The following THUMPD2 variants were observed in gnomAD, a reference collection of about 807,000 sequenced individuals.
The protein encoded by THUMPD2 is THUMP domain 2 tRNA and snRNA guanosine methyltransferase.
Under a neutral mutation model 49.4 loss-of-function variants are expected in THUMPD2, and 56 were observed. The ratio of observed to expected loss-of-function variants is 1.13; its 90% confidence interval spans 0.91 to 1.41. The LOEUF is 1.41. THUMPD2 is among the 40% of genes most tolerant of loss of function. The pLI, the probability that THUMPD2 is intolerant of heterozygous loss-of-function variation, is 0.00. For synonymous variants in THUMPD2, 237 were observed against 205.2 expected, an observed-to-expected ratio of 1.15 and a Z score of -1.32; for missense variants, 709 against 594.5, an observed-to-expected ratio of 1.19 and a Z score of -2.00.
chr2:39,747,283 T>C (rs1160990540), intron 8 of THUMPD2, among the ~76,000 whole-genome samples: 2 of 152,202 alleles, frequency 1.3e-5, no homozygotes, highest in Non-Finnish European at 2.9e-5. Context: ...GTTTATTGCA[T>C]TAGATTATGA....
chr2:39,748,464 A>AG (rs1329303309), intron 8 of THUMPD2, among the ~76,000 whole-genome samples: 2 of 152,166 alleles, frequency 1.3e-5, no homozygotes, highest in African/African-American at 4.8e-5. Context: ...GCACTTTGGG[A>AG]GGCCAAGGCA....
chr2:39,775,185 G>C (rs1292793438), intron 1 of THUMPD2, among the ~76,000 whole-genome samples: 2 of 152,122 alleles, frequency 1.3e-5, no homozygotes, highest in Non-Finnish European at 2.9e-5. Flanking sequence ...AGGGTAAGGT[G>C]GGAGGATTGC....
chr2:39,763,957 A>G (rs536420757), intron 5 of THUMPD2, among the ~76,000 whole-genome samples: 78 of 152,296 alleles, frequency 5.1e-4, no homozygotes, highest in Non-Finnish European at 1.0e-3. Context: ...TCCCAACTAC[A>G]CTGAAACTAC....
intron 1 of THUMPD2, among the ~76,000 whole-genome samples, chr2:39,777,501 T>C (rs1320805712): frequency 6.6e-6 from 1 of 152,184 alleles, no homozygotes; most frequent in Non-Finnish European, 1.5e-5. Flanking sequence ...TAAAAGTCTA[T>C]CAGATAGGAG....
intron 9 of THUMPD2, among the ~76,000 whole-genome samples, chr2:39,739,782 C>A (rs1282554027): frequency 6.6e-6 from 1 of 152,134 alleles, no homozygotes; most frequent in African/African-American, 2.4e-5. Context: ...AGAGGATAAA[C>A]CCTTGCAGGA....
intron 8 of THUMPD2, among the ~76,000 whole-genome samples, chr2:39,750,125 T>C (rs12623462): frequency 0.41 from 63,028 of 152,050 alleles, 14,192 homozygotes; most frequent in East Asian, 0.75. Flanking sequence ...TGTAATGGAA[T>C]TGCTGGGTCA....
At position 39,761,356 on chromosome 2, in the gene THUMPD2, G is replaced by A; in HGVS notation, c.866C>T (p.Ala289Val). The A allele has an allele frequency of 6.2e-7, 1 of 1,613,738 alleles. No individual in the cohort carries two copies. Among genetic ancestry groups the A allele is most frequent in the Non-Finnish European group, 8.5e-7 (1 of 1,179,738 alleles). ...CTTAATGTCAGCCAGAGATGCCATT[G>A]CCCACGCTATTGTAGATCGCAGTCC... is the stretch of plus-strand genomic sequence containing the variant. ...TAGLRSTIAW[A>V]MASLADIKAG... is the part of the protein sequence containing the mutation. The change falls in exon 6 of 10, where the codon GCA becomes GTA. Residue 289 changes from alanine to valine, a missense_variant. Ala to Val is a moderately conservative substitution (Grantham distance 64, BLOSUM62 0). Coordinates refer to ENST00000505747, the MANE Select transcript of THUMPD2 (RefSeq NM_025264.5).
At chr2:39,769,092 A>T in intron 3 of THUMPD2, 1 of 1,304,004 alleles carries the variant, frequency 7.7e-7, no homozygotes, top group South Asian at 1.2e-5. Context: ...CATGTACAGG[A>T]CCTGTGCAGA....
intron 1 of THUMPD2, among the ~76,000 whole-genome samples, chr2:39,777,494 A>G (rs1679278064): frequency 1.3e-5 from 2 of 152,206 alleles, no homozygotes; most frequent in African/African-American, 2.4e-5. Context: ...ATGGAGGTAA[A>G]AGTCTATCAG....
At chr2:39,762,582 A>G (rs1315309550) in intron 5 of THUMPD2, among the ~76,000 whole-genome samples, 1 of 151,952 alleles carries the variant, frequency 6.6e-6, no homozygotes, top group East Asian at 1.9e-4. Context: ...TGTAAACAGT[A>G]CTGTATATAT....
chr2:39,746,768 A>G (rs1251548956), intron 8 of THUMPD2, among the ~76,000 whole-genome samples: 1 of 152,148 alleles, frequency 6.6e-6, no homozygotes, highest in Non-Finnish European at 1.5e-5. Flanking sequence ...CTTTCTTCCA[A>G]AGGGATTTAT....
In THUMPD2 at chr2:39,768,689, G is replaced by A. The variant is rs555494788; in HGVS notation, c.673-188C>T. On this transcript the variant is annotated intron_variant, in intron 3 of 9. Coordinates refer to ENST00000505747, the MANE Select transcript of THUMPD2 (RefSeq NM_025264.5). ...AAGGCAGTAAGGCTGTATTTTACCT[G>A]CCCTAGCCCCCAGTACACCCCATGG... is the stretch of plus-strand genomic sequence containing the variant. The A allele has an allele frequency of 1.9e-5, 13 of 675,068 alleles. No homozygotes were observed. The South Asian group carries it at 2.5e-4, about 13-fold the overall frequency. 41.8% of individuals were successfully genotyped at this position (675,068 alleles called of 1,614,324 possible).
intron 1 of THUMPD2, among the ~76,000 whole-genome samples, chr2:39,774,581 C>G (rs1168032610): frequency 6.6e-6 from 1 of 152,154 alleles, no homozygotes; most frequent in African/African-American, 2.4e-5. Context: ...TGTGAATGCA[C>G]TTAAACAGTT....
At chr2:39,777,922 A>G (rs1334053814) in intron 1 of THUMPD2, among the ~76,000 whole-genome samples, 1 of 152,148 alleles carries the variant, frequency 6.6e-6, no homozygotes, top group South Asian at 2.1e-4. Context: ...CTTTCATACC[A>G]AGCACTCTAA....
At position 39,771,225 on chromosome 2, in the gene THUMPD2, A is replaced by G. The variant is rs560249426; in HGVS notation, c.262+280T>C. ...TCCAAATAAATGCAACTGACCATAT[A>G]TATCTCTAGAGAAGGTACCTGATCA... On this transcript the variant is annotated intron_variant, in intron 2 of 9. Transcript: ENST00000505747. 8.4e-4 allele frequency among the ~76,000 whole-genome samples: 128 copies of G among 152,254 alleles called. 1 individual carries two copies. The highest frequency in any genetic ancestry group is 3.0e-3 in the African/African-American group (124 of 41,558).
intron 1 of THUMPD2, among the ~76,000 whole-genome samples, chr2:39,774,682 T>G (rs1678835142): frequency 6.6e-6 from 1 of 152,214 alleles, no homozygotes; most frequent in African/African-American, 2.4e-5. Context: ...AAGCTACTAA[T>G]TCTCTTTTTC....
At chr2:39,743,443 G>C (rs2058620) in intron 9 of THUMPD2, among the ~76,000 whole-genome samples, 76,772 of 152,056 alleles carry the variant, frequency 0.5, 19,868 homozygotes, top group East Asian at 0.76. Flanking sequence ...TTTCATTTCA[G>C]AGCTGCTATA....
At chr2:39,767,386 C>T (rs1352908064) in intron 4 of THUMPD2, among the ~76,000 whole-genome samples, 3 of 151,488 alleles carry the variant, frequency 2.0e-5, no homozygotes, top group African/African-American at 4.9e-5. Flanking sequence ...GGGCGGATCA[C>T]GAGGTCAGGA....
intron 1 of THUMPD2, among the ~76,000 whole-genome samples, chr2:39,772,349 T>C (rs944982892): frequency 6.6e-6 from 1 of 152,218 alleles, no homozygotes. Context: ...TCAACCATTA[T>C]AGACTTTTGA....
Sources: allele counts gnomAD v4.1 joint callset (sites outside exome capture counted in the v4.1 genomes callset), GRCh38; gene constraint gnomAD v4.1.1; transcripts MANE v1.5; gene names NCBI Gene and HGNC (gene_info 2026-07-23, HGNC 2026-07-21).